ROS1: variants seen among roughly 807,000 people sequenced by gnomAD.
ROS1 encodes ROS proto-oncogene 1, receptor tyrosine kinase.
In ROS1, 263 loss-of-function variants were observed where a neutral mutation model predicts 273.5. That is an observed-to-expected ratio of 0.96 (90% CI 0.87 to 1.06). The LOEUF is 1.06. ROS1 is among the 50% of genes least tolerant of loss of function. The pLI is 0.00. For synonymous variants in ROS1, 1,008 were observed against 954.1 expected (o/e 1.06, Z -1.04); for missense variants, 2,833 against 2,751.1 (o/e 1.03, Z -0.67).
intron 32 of ROS1, among the ~76,000 whole-genome samples, chr6:117,330,258 G>C (rs1427652268): frequency 6.6e-6 from 1 of 152,114 alleles, no homozygotes; most frequent in Non-Finnish European, 1.5e-5. Flanking sequence ...TCCTCAGTGG[G>C]TGGGGCTTCC....
At chr6:117,403,413 A>C (rs933916382) in intron 6 of ROS1, 136 bp from the exon 7 acceptor site, 1 of 857,656 alleles carries the variant, frequency 1.2e-6, no homozygotes, top group African/African-American at 1.8e-5. Flanking sequence ...CTTAGAGCTA[A>C]GCCATTCAGA....
chr6:117,375,668 A>G (rs1350971362), intron 18 of ROS1, among the ~76,000 whole-genome samples: 1 of 152,232 alleles, frequency 6.6e-6, no homozygotes, highest in Non-Finnish European at 1.5e-5. Context: ...CTATGCAAAC[A>G]CTAAGCAAAA....
intron 18 of ROS1, among the ~76,000 whole-genome samples, chr6:117,373,447 C>A (rs1353070453): frequency 1.3e-5 from 2 of 152,242 alleles, no homozygotes; most frequent in Non-Finnish European, 2.9e-5. Flanking sequence ...GGCGCTGAGG[C>A]CCGGCGAGAA....
Position 117,362,674 on chromosome 6 carries a change from C to T in ROS1, c.3295G>A (p.Val1099Ile). ...TNKTCEDWIA[V>I]NVTPSVMSFQ... ...GACATCACTGAGGGAGTGACATTGACAGCAATCCAGTCTTCACATGTTTTG... is the reference window on the plus strand; with the variant it reads ...GACATCACTGAGGGAGTGACATTGATAGCAATCCAGTCTTCACATGTTTTG... The change falls in exon 22 of 44, where the codon GTC (valine) becomes ATC (isoleucine). Residue 1099 changes from valine to isoleucine, a missense_variant. Coordinates refer to ENST00000368507, the MANE Select transcript of ROS1 (RefSeq NM_001378902.1). 3 of 1,613,262 alleles carry T rather than the reference C, an allele frequency of 1.9e-6. No individual in the cohort carries two copies. Among genetic ancestry groups the T allele is most frequent in the Non-Finnish European group, 2.5e-6 (3 of 1,179,342 alleles).
chr6:117,420,497 G>A (rs1562394268), intron 1 of ROS1, among the ~76,000 whole-genome samples: 1 of 150,652 alleles, frequency 6.6e-6, no homozygotes, highest in Non-Finnish European at 1.5e-5. Context: ...GAGTTAATGG[G>A]TGCAGCACAC....
At chr6:117,320,570 C>CTGCTACGTTAAAAA (rs1188903258) in intron 36 of ROS1, among the ~76,000 whole-genome samples, 2 of 152,088 alleles carry the variant, frequency 1.3e-5, no homozygotes, top group African/African-American at 4.8e-5. Context: ...GTTAAAAATG[C>CTGCTACGTTAAAAA]TTTCAATTTT....
chr6:117,326,244 T>C lies in ROS1; in HGVS notation c.5519A>G (p.Glu1840Gly), dbSNP rs763061412. 2.5e-6 allele frequency: 4 copies of C among 1,598,510 alleles called. No individual in the cohort carries two copies. In the South Asian group the frequency reaches 4.6e-5, roughly 18 times the overall value. The change falls in exon 34 of 44, where the codon GAG (glutamate) becomes GGG (glycine). Residue 1840 changes from glutamate (E) to glycine (G), a missense_variant. Glu to Gly is a moderately conservative substitution (Grantham distance 98). Transcript: ENST00000368507. ...LGFGEYSGIS[E>G]NIILVGDDFW... is the part of the protein sequence containing the mutation. ...CATACCTCCAACTAATATAATATTC[T>C]CACTGATTCCACTATATTCACCAAA...
chr6:117,369,375 C>T (rs1380478919), intron 18 of ROS1, among the ~76,000 whole-genome samples: 1 of 152,182 alleles, frequency 6.6e-6, no homozygotes, highest in Admixed American at 6.5e-5. Flanking sequence ...GAAACCAGCT[C>T]TCCCTGGCTA....
chr6:117,400,316 A>G (rs1273903514), intron 7 of ROS1, among the ~76,000 whole-genome samples: 5 of 152,256 alleles, frequency 3.3e-5, no homozygotes, highest in African/African-American at 1.2e-4. Flanking sequence ...TGTGTTTAAT[A>G]AAGCTTTACC....
intron 42 of ROS1, among the ~76,000 whole-genome samples, chr6:117,308,485 T>TCA (rs915615647): frequency 2.0e-5 from 3 of 151,808 alleles, no homozygotes; most frequent in Non-Finnish European, 4.4e-5. Context: ...ACTCTCTCTC[T>TCA]CACACACACA....
intron 39 of ROS1, among the ~76,000 whole-genome samples, chr6:117,316,737 CA>C (rs1303541251): frequency 1.3e-5 from 2 of 151,970 alleles, no homozygotes; most frequent in Non-Finnish European, 2.9e-5. Context: ...TACTAAAATC[CA>C]AAAAGATATG....
At position 117,329,316 on chromosome 6, in the gene ROS1, CA is replaced by C; in HGVS notation, c.5348+12del. On this transcript the variant is annotated intron_variant, in intron 33 of 43. Transcript: ENST00000368507. ...TTCTTTGTCATTTACAAGTACTTTG[CA>C]AACACACATACCTTATCTCAAGGAT... is the stretch of plus-strand genomic sequence containing the variant. 1 of 1,196,426 alleles carries C rather than the reference CA, an allele frequency of 8.4e-7. No individual in the cohort carries two copies. The highest frequency in any genetic ancestry group is 1.2e-6 in the Non-Finnish European group (1 of 819,028). 74.1% of individuals were successfully genotyped at this position (1,196,426 alleles called of 1,614,324 possible). A position where few individuals can be genotyped will look rare whatever the true frequency, so the allele number is the denominator to read the frequency against.
intron 42 of ROS1, 23 bp from the exon 43 acceptor site, chr6:117,301,160 G>A (rs1774693485): frequency 6.4e-7 from 1 of 1,557,180 alleles, no homozygotes; most frequent in Non-Finnish European, 8.6e-7. Flanking sequence ...GGAAAGATGG[G>A]AAAGTAAATA....
chr6:117,335,778 T>C (rs572885241), intron 32 of ROS1, among the ~76,000 whole-genome samples: 3 of 151,472 alleles, frequency 2.0e-5, no homozygotes, highest in African/African-American at 7.3e-5. Context: ...TAAGTGGGAG[T>C]TGAACATTGA....
Position 117,287,631 on chromosome 6 carries a change from A to T in ROS1, c.*861T>A, listed in dbSNP as rs1326405926. ...ATATTTTACAGTAGTGATTAAAGAC[A>T]ATATATATCGGCTAGGCATGGTGGC... On this transcript the variant is annotated 3_prime_UTR_variant, in exon 44 of 44. Coordinates refer to ENST00000368507, the MANE Select transcript of ROS1 (RefSeq NM_001378902.1). 6.6e-6 allele frequency among the ~76,000 whole-genome samples: 1 copy of T among 152,202 alleles called. No individual in the cohort carries two copies. Among genetic ancestry groups the T allele is most frequent in the South Asian group, 2.1e-4 (1 of 4,834 alleles).
Position 117,320,570 on chromosome 6 carries a change from C to T in ROS1, c.5760-540G>A, listed in dbSNP as rs569351774. On this transcript the variant is annotated intron_variant, in intron 36 of 43. Transcript: ENST00000368507. ...GGAAAATGCTGCTATGTTAAAAATG[C>T]TTTCAATTTTTAATAGAGAATCTTG... Among the ~76,000 whole-genome samples, 5 of 152,206 alleles carry T rather than the reference C, an allele frequency of 3.3e-5. No homozygotes were observed. The East Asian group carries it at 9.7e-4, about 29-fold the overall frequency.
intron 5 of ROS1, among the ~76,000 whole-genome samples, chr6:117,407,249 A>G (rs1352204480): frequency 2.0e-5 from 3 of 152,160 alleles, no homozygotes; most frequent in Non-Finnish European, 2.9e-5. Flanking sequence ...GGAAGAGCCA[A>G]GCATCCTTCA....
rs758834561 is a variant in ROS1 at position 117,324,321 on chromosome 6, A to G, written c.5623+11T>C. Reference sequence around the variant, plus strand: ...GTTTGTTGCCTATTTTAAAAATTCTATTATACTTACCAAAGGTCAGTGGGA... The same window carrying G: ...GTTTGTTGCCTATTTTAAAAATTCTGTTATACTTACCAAAGGTCAGTGGGA... On this transcript the variant is annotated intron_variant, in intron 35 of 43. Coordinates refer to ENST00000368507, the MANE Select transcript of ROS1 (RefSeq NM_001378902.1). The G allele has an allele frequency of 3.8e-6, 5 of 1,323,066 alleles. No homozygotes were observed. Among genetic ancestry groups the G allele is most frequent in the Admixed American group, 1.9e-5 (1 of 53,114 alleles). 82.0% of individuals were successfully genotyped at this position (1,323,066 alleles called of 1,614,324 possible).
At position 117,405,572 on chromosome 6, in the gene ROS1, G is replaced by A. The variant is rs1174228841; in HGVS notation, c.317-1144C>T. ...GGAGGCATCAGAAATGACAAAAGTT[G>A]AGAACTGGGCAGATGTGATCAGTTA... is the stretch of plus-strand genomic sequence containing the variant. On this transcript the variant is annotated intron_variant, in intron 5 of 43. Coordinates refer to ENST00000368507, the MANE Select transcript of ROS1 (RefSeq NM_001378902.1). Among the ~76,000 whole-genome samples the A allele has an allele frequency of 2.0e-5, 3 of 152,010 alleles. No homozygotes were observed. In the East Asian group the frequency reaches 5.8e-4, roughly 29 times the overall value.
Sources: allele counts gnomAD v4.1 joint callset (sites outside exome capture counted in the v4.1 genomes callset), GRCh38; gene constraint gnomAD v4.1.1; transcripts MANE v1.5; gene names NCBI Gene and HGNC (gene_info 2026-07-23, HGNC 2026-07-21).